Variants in PIEZO2 observed in about 807,000 individuals in gnomAD.
The protein encoded by PIEZO2 is piezo type mechanosensitive ion channel component 2.
Under a neutral mutation model 337.3 loss-of-function variants are expected in PIEZO2, and 172 were observed. The ratio of observed to expected loss-of-function variants is 0.51; its 90% CI spans 0.45 to 0.58. PIEZO2 has a LOEUF of 0.58. Among genes scored for constraint, PIEZO2 ranks in the 20% least tolerant of loss-of-function variants. The pLI is 0.00. For missense variants in PIEZO2, 3,028 were observed against 3,391.3 expected (o/e 0.89, Z 2.66); for synonymous variants, 1,251 against 1,228.5 (o/e 1.02, Z -0.38).
At chr18:10,742,134 GACAGA>G (rs1220569625) in intron 32 of PIEZO2, among the ~76,000 whole-genome samples, 4 of 152,170 alleles carry the variant, frequency 2.6e-5, no homozygotes, top group Non-Finnish European at 5.9e-5. Context: ...CAGCCTGGGG[GACAGA>G]GCGAGACTCC....
At chr18:10,950,096 T>G (rs987827369) in intron 3 of PIEZO2, among the ~76,000 whole-genome samples, 1 of 152,212 alleles carries the variant, frequency 6.6e-6, no homozygotes, top group South Asian at 2.1e-4. Context: ...TAAGAGTTTC[T>G]AAAAATGTTG....
chr18:10,898,739 T>C (rs1598650424), intron 4 of PIEZO2, among the ~76,000 whole-genome samples: 1 of 152,134 alleles, frequency 6.6e-6, no homozygotes, highest in African/African-American at 2.4e-5. Context: ...AGCCTATGCC[T>C]GAGTAAGTAT....
In PIEZO2 at chr18:10,895,674, C is replaced by A. The variant is rs111816627; in HGVS notation, c.329+15512G>T. On this transcript the variant is annotated intron_variant, in intron 4 of 55. Transcript: ENST00000674853. The surrounding 1 kb of genome is among the most constrained non-coding windows in gnomAD (Gnocchi z 4.8). ...TCAGTTTAACACCTGGGAAATGGGG[C>A]GCTCCCTCTGACCTGCACATTTCAT... Among the ~76,000 whole-genome samples the A allele has an allele frequency of 3.7e-4, 56 of 152,152 alleles. No individual in the cohort carries two copies. The highest frequency in any genetic ancestry group is 1.3e-3 in the African/African-American group (56 of 41,522).
chr18:10,682,058 T>C lies in PIEZO2; in HGVS notation c.7686+46A>G, dbSNP rs2034290236. The C allele has an allele frequency of 6.8e-7, 1 of 1,478,434 alleles. No individual in the cohort carries two copies. Among genetic ancestry groups the C allele is most frequent in the Non-Finnish European group, 9.0e-7 (1 of 1,109,018 alleles). 91.6% of individuals were successfully genotyped at this position (1,478,434 alleles called of 1,614,324 possible). A position where few individuals can be genotyped will look rare whatever the true frequency, so the allele number is the denominator to read the frequency against. On this transcript the variant is annotated intron_variant, in intron 50 of 55. Transcript: ENST00000674853. The surrounding 1 kb of genome is among the most constrained non-coding windows in gnomAD (Gnocchi z 5.6). ...TACAGACAGCTATCATAAAGGAATGTGGCGTGGGGCAAGGCTCTGGTAGGT... is the reference window on the plus strand; with the variant it reads ...TACAGACAGCTATCATAAAGGAATGCGGCGTGGGGCAAGGCTCTGGTAGGT...
Position 10,857,088 on chromosome 18 carries a change from A to AG in PIEZO2, c.615dup (p.Ser206LeufsTer5). On this transcript the variant is annotated frameshift_variant, in exon 6 of 56. Coordinates refer to ENST00000674853, the MANE Select transcript of PIEZO2 (RefSeq NM_001378183.1). LOFTEE classifies it high-confidence loss of function. ...AACTCCTTGAGCTTAGAGGCCACAG[A>AG]GGCAAGCCTGCGGAACATTTTTAAC... The AG allele has an allele frequency of 6.5e-7, 1 of 1,537,562 alleles. No homozygotes were observed. The highest frequency in any genetic ancestry group is 8.7e-7 in the Non-Finnish European group (1 of 1,146,988).
chr18:10,906,032 A>G (rs576724969), intron 4 of PIEZO2, among the ~76,000 whole-genome samples: 6 of 152,190 alleles, frequency 3.9e-5, no homozygotes, highest in African/African-American at 1.2e-4. Context: ...TCTTTATGAC[A>G]TAGATGCTGG....
At position 11,096,630 on chromosome 18, in the gene PIEZO2, C is replaced by T. The variant is rs1470623903; in HGVS notation, c.65-30408G>A. ...TCTCAGATTTATGGCTTATTTCCTGCCCTTCACCCTCATCTCCCCCACCCA... is the reference window on the plus strand; with the variant it reads ...TCTCAGATTTATGGCTTATTTCCTGTCCTTCACCCTCATCTCCCCCACCCA... On this transcript the variant is annotated intron_variant, in intron 1 of 55. Transcript: ENST00000674853. The surrounding 1 kb of genome is among the most constrained non-coding windows in gnomAD (Gnocchi z 4.6). Among the ~76,000 whole-genome samples the T allele has an allele frequency of 6.6e-6, 1 of 152,142 alleles. No individual in the cohort carries two copies. The highest frequency in any genetic ancestry group is 6.5e-5 in the Admixed American group (1 of 15,274).
At chr18:11,114,000 T>G (rs2039813429) in intron 1 of PIEZO2, among the ~76,000 whole-genome samples, 1 of 152,392 alleles carries the variant, frequency 6.6e-6, no homozygotes, top group Middle Eastern at 3.4e-3. Context: ...GACAACGTTG[T>G]TGATGAACAG....
chr18:10,957,850 C>G (rs760653564), intron 3 of PIEZO2, among the ~76,000 whole-genome samples: 1 of 152,048 alleles, frequency 6.6e-6, no homozygotes, highest in Non-Finnish European at 1.5e-5. Context: ...TAAAAACGGG[C>G]GAAGAATCTG....
chr18:10,770,137 T>C lies in PIEZO2; in HGVS notation c.2946+11A>G, dbSNP rs1003111716. ...CTGTTCAGCCTGATGATAGGACAAA[T>C]GTTCACTTGCCTCTTTCACAGAAAC... On this transcript the variant is annotated intron_variant, in intron 21 of 55. Transcript: ENST00000674853. 17 of 1,536,794 alleles carry C rather than the reference T, an allele frequency of 1.1e-5. No homozygotes were observed. Among genetic ancestry groups the C allele is most frequent in the Non-Finnish European group, 1.4e-5 (16 of 1,146,784 alleles).
rs1478295826 is a variant in PIEZO2 at position 10,784,028 on chromosome 18, A to G, written c.2492+756T>C. ...AGCCCTTTGCTCCCTTAGCTGCTTA[A>G]CAAGTATTTTTCCAATATCTGAATC... is the stretch of plus-strand genomic sequence containing the variant. On this transcript the variant is annotated intron_variant, in intron 17 of 55. Transcript: ENST00000674853. This position sits in a 1 kb window ranked among gnomAD's most constrained non-coding sequence, Gnocchi z 4.5. Among the ~76,000 whole-genome samples the G allele has an allele frequency of 9.2e-5, 14 of 152,200 alleles. No homozygotes were observed.
rs559196825 is a variant in PIEZO2 at position 10,865,908 on chromosome 18, C to T, written c.492+5345G>A. 1.5e-4 allele frequency among the ~76,000 whole-genome samples: 23 copies of T among 152,212 alleles called. No homozygotes were observed. The Middle Eastern group carries it at 0.017, about 113-fold the overall frequency. On this transcript the variant is annotated intron_variant, in intron 5 of 55. Coordinates refer to ENST00000674853, the MANE Select transcript of PIEZO2 (RefSeq NM_001378183.1). ...CTGCAATTGCCTCACACAAGTTTCC[C>T]ATGGGGTATTTGTGGTTATTTGCAA... is the stretch of plus-strand genomic sequence containing the variant.
chr18:10,725,934 A>G (rs991432158), intron 36 of PIEZO2, among the ~76,000 whole-genome samples: 12 of 152,054 alleles, frequency 7.9e-5, no homozygotes, highest in East Asian at 1.9e-4. Flanking sequence ...CACTATTTCT[A>G]TCTGTCTGTC....
At chr18:10,717,629 C>T (rs1022491220) in intron 37 of PIEZO2, among the ~76,000 whole-genome samples, 1 of 152,220 alleles carries the variant, frequency 6.6e-6, no homozygotes, top group Non-Finnish European at 1.5e-5. Flanking sequence ...CTCCAAATCA[C>T]ATACTATGAG....
chr18:10,970,612 A>C (rs559278061), intron 3 of PIEZO2, among the ~76,000 whole-genome samples: 27 of 151,982 alleles, frequency 1.8e-4, no homozygotes, highest in African/African-American at 6.5e-4. Flanking sequence ...TATACATGGA[A>C]GATGTTATCT....
chr18:11,049,758 A>G (rs934161606), intron 2 of PIEZO2, among the ~76,000 whole-genome samples: 1 of 152,154 alleles, frequency 6.6e-6, no homozygotes, highest in Non-Finnish European at 1.5e-5. Context: ...GCCACCATGT[A>G]AGACATGCCT....
chr18:10,774,428 G>A (rs926871064), intron 18 of PIEZO2, among the ~76,000 whole-genome samples: 10 of 149,208 alleles, frequency 6.7e-5, no homozygotes, highest in Admixed American at 1.4e-4. Context: ...TTGTGTAGAC[G>A]AATCCCACTC....
intron 3 of PIEZO2, among the ~76,000 whole-genome samples, chr18:10,958,471 A>C (rs1598745617): frequency 6.6e-6 from 1 of 152,226 alleles, no homozygotes; most frequent in African/African-American, 2.4e-5. Context: ...AATCTATTGC[A>C]CTGCATGGTG....
Position 10,979,340 on chromosome 18 carries a change from T to A in PIEZO2, c.286+195A>T, listed in dbSNP as rs1483575161. On this transcript the variant is annotated intron_variant, in intron 3 of 55. Coordinates refer to ENST00000674853, the MANE Select transcript of PIEZO2 (RefSeq NM_001378183.1). This position sits in a 1 kb window ranked among gnomAD's most constrained non-coding sequence, Gnocchi z 4.0. ...GCTGAAGAGTCATTCATAAACTTAA[T>A]CTCATGATCCAATCTTCCATGGCAA... Among the ~76,000 whole-genome samples, 2 of 152,128 alleles carry A rather than the reference T, an allele frequency of 1.3e-5. No homozygotes were observed. Among genetic ancestry groups the A allele is most frequent in the Non-Finnish European group, 1.5e-5 (1 of 68,004 alleles).
Sources: gnomAD v4.1 joint callset for allele counts (sites outside exome capture counted in the v4.1 genomes callset) on GRCh38, gnomAD v4.1.1 for gene constraint, Gnocchi (gnomAD v3.1) non-coding constraint, MANE v1.5 for transcripts, NCBI Gene and HGNC (gene_info 2026-07-23, HGNC 2026-07-21) for gene names.